The following ZNF699 variants were observed in gnomAD, a reference collection of about 807,000 sequenced individuals.
The protein encoded by ZNF699 is zinc finger protein 699, also known as hangover homolog.
Under a neutral mutation model 22.5 loss-of-function variants are expected in ZNF699, and 18 were observed. The ratio of observed to expected loss-of-function variants is 0.80; its 90% CI spans 0.55 to 1.19. The LOEUF is 1.19. Ranked by LOEUF, ZNF699 falls within the 50% of genes most tolerant of loss-of-function variation. The pLI is 0.00. For missense variants in ZNF699, 670 were observed against 763.4 expected, an observed-to-expected ratio of 0.88 and a Z score of 1.44; for synonymous variants, 241 against 262.3, an observed-to-expected ratio of 0.92 and a Z score of 0.78.
At chr19:9,307,816 C>T (rs1833131999) in intron 1 of ZNF699, among the ~76,000 whole-genome samples, 1 of 151,952 alleles carries the variant, frequency 6.6e-6, no homozygotes, top group Non-Finnish European at 1.5e-5. Flanking sequence ...GGCATGGTGG[C>T]AGGTGCCTGT....
chr19:9,293,149 GAAATC>G lies in ZNF699; in HGVS notation c.*2321_*2325del, dbSNP rs1391826557. On this transcript the variant is annotated 3_prime_UTR_variant, in exon 6 of 6. Transcript: ENST00000591998. ...GTCTCAAAAAAAAAAAAAAAGAAAAGAAATCATAAATGGATGAAATGTTTCAACAG... is the reference window on the plus strand; with the variant it reads ...GTCTCAAAAAAAAAAAAAAAGAAAAGATAAATGGATGAAATGTTTCAACAG... 7.4e-6 allele frequency among the ~76,000 whole-genome samples: 1 copy of G among 134,648 alleles called. No homozygotes were observed. The highest frequency in any genetic ancestry group is 2.8e-5 in the African/African-American group (1 of 36,182). 88.3% of individuals were successfully genotyped at this position (134,648 alleles called of 152,430 possible).
In ZNF699 at chr19:9,297,997, A is replaced by G. The variant is rs913915452; in HGVS notation, c.176-7T>C. On this transcript the variant is annotated splice_polypyrimidine_tract_variant and splice_region_variant and intron_variant, in intron 3 of 5. Transcript: ENST00000591998. This position sits in a 1 kb window ranked among gnomAD's most constrained non-coding sequence, Gnocchi z 4.3. Reference sequence around the variant, plus strand: ...GGTGTGTGTAGCGGATACCCTGCACAAGCAGAAAGGCATATCACGAGGGAA... The same window carrying G: ...GGTGTGTGTAGCGGATACCCTGCACGAGCAGAAAGGCATATCACGAGGGAA... 1 of 1,568,414 alleles carries G rather than the reference A, an allele frequency of 6.4e-7. No individual in the cohort carries two copies. The highest frequency in any genetic ancestry group is 8.8e-7 in the Non-Finnish European group (1 of 1,140,634).
At chr19:9,303,423 T>G (rs1276452362) in intron 2 of ZNF699, among the ~76,000 whole-genome samples, 1 of 152,186 alleles carries the variant, frequency 6.6e-6, no homozygotes, top group Admixed American at 6.5e-5. Flanking sequence ...GGAAACATGT[T>G]TACTGGTTTA....
intron 2 of ZNF699, 115 bp downstream of exon 2, chr19:9,304,957 C>T: frequency 1.4e-6 from 1 of 705,316 alleles, no homozygotes; most frequent in South Asian, 2.0e-5. Context: ...CCTTCAGTGC[C>T]TAAAATACTA....
At chr19:9,304,871 C>T (rs116534951) in intron 2 of ZNF699, among the ~76,000 whole-genome samples, 2,587 of 141,420 alleles carry the variant, frequency 0.018, 68 homozygotes, top group African/African-American at 0.064. Context: ...TACAGTGAGC[C>T]AAGATGGTGC....
chr19:9,305,146 A>G (rs933949410), intron 1 of ZNF699, 22 bp from the exon 2 acceptor site: 19 of 1,609,466 alleles, frequency 1.2e-5, no homozygotes, highest in Non-Finnish European at 1.6e-5. Context: ...AAAGCAGGAT[A>G]TTGAGAAGTT....
At chr19:9,307,209 T>A (rs952590910) in intron 1 of ZNF699, among the ~76,000 whole-genome samples, 1 of 151,926 alleles carries the variant, frequency 6.6e-6, no homozygotes, top group Non-Finnish European at 1.5e-5. Flanking sequence ...TCAAAATAAA[T>A]AAAATAAATA....
rs1482473016 is a variant in ZNF699, at chr19:9,293,803, G to A, written c.*1672C>T. Among the ~76,000 whole-genome samples, 1 of 151,928 alleles carries A rather than the reference G, an allele frequency of 6.6e-6. No homozygotes were observed. The highest frequency in any genetic ancestry group is 6.6e-5 in the Admixed American group (1 of 15,228). On this transcript the variant is annotated 3_prime_UTR_variant, in exon 6 of 6. Transcript: ENST00000591998. ...AATAAAAAGTGATTATGGGGAAATA[G>A]TAGAGTTATACTTTTAAAGAGAAAA...
intron 2 of ZNF699, among the ~76,000 whole-genome samples, chr19:9,303,927 C>T (rs970717233): frequency 6.6e-6 from 1 of 151,992 alleles, no homozygotes. Flanking sequence ...AAGCAATTCC[C>T]CTGCCTCAGC....
At chr19:9,308,890 A>G (rs1250782239) in intron 1 of ZNF699, among the ~76,000 whole-genome samples, 1 of 152,248 alleles carries the variant, frequency 6.6e-6, no homozygotes, top group African/African-American at 2.4e-5. Flanking sequence ...TAACCAATCT[A>G]TAGACAAATG....
intron 3 of ZNF699, among the ~76,000 whole-genome samples, chr19:9,299,120 G>A (rs2066297686): frequency 6.6e-6 from 1 of 152,154 alleles, no homozygotes; most frequent in Non-Finnish European, 1.5e-5. Context: ...CTTCTGTTTG[G>A]CAATGACATT....
At chr19:9,306,310 T>A (rs2066327666) in intron 1 of ZNF699, among the ~76,000 whole-genome samples, 2 of 151,662 alleles carry the variant, frequency 1.3e-5, no homozygotes, top group South Asian at 4.2e-4. Context: ...GAGAATCGCT[T>A]GAACCCGGGA....
intron 3 of ZNF699, among the ~76,000 whole-genome samples, chr19:9,302,008 T>C (rs1472274484): frequency 6.6e-6 from 1 of 151,724 alleles, no homozygotes; most frequent in Non-Finnish European, 1.5e-5. Context: ...GTTCAAGCCA[T>C]TCTCCTGCCT....
In ZNF699 at chr19:9,298,233, G is replaced by T. The variant is rs182605562; in HGVS notation, c.176-243C>A. On this transcript the variant is annotated intron_variant, in intron 3 of 5. Transcript: ENST00000591998. ...GAGACTGAGGCAGGCAGATCACGAG[G>T]TCAGGGGTTCGAGACTAGCCTGGCC... Among the ~76,000 whole-genome samples the T allele has an allele frequency of 1.4e-4, 21 of 151,928 alleles. 1 individual carries two copies. Among genetic ancestry groups the T allele is most frequent in the Admixed American group, 1.4e-3 (21 of 15,262 alleles).
In ZNF699 at chr19:9,295,947, C is replaced by T. The variant is rs1599249891; in HGVS notation, c.1457G>A (p.Arg486His). 5.6e-6 allele frequency: 9 copies of T among 1,613,858 alleles called. No individual in the cohort carries two copies. Among genetic ancestry groups the T allele is most frequent in the East Asian group, 2.2e-5 (1 of 44,826 alleles). The change falls in exon 6 of 6, where the codon CGT (arginine) becomes CAT (histidine). Residue 486 changes from arginine (R) to histidine (H), a missense_variant. Coordinates refer to ENST00000591998, the MANE Select transcript of ZNF699 (RefSeq NM_198535.3). Reference protein sequence around the residue: ...ECKECGKTFSRSSSLTEHLRT... With the variant: ...ECKECGKTFSHSSSLTEHLRT... The stretch of plus-strand genomic sequence containing the variant: ...TAGGTGTTCGGTGAGGGATGAGGAA[C>T]GACTAAAGGTCTTCCCACACTCCTT...
chr19:9,302,593 G>T, intron 2 of ZNF699, 89 bp from the exon 3 acceptor site: 2 of 1,399,524 alleles, frequency 1.4e-6, no homozygotes, highest in Non-Finnish European at 1.9e-6. Flanking sequence ...TCGAGGAAAT[G>T]AGAGTCAATT....
At chr19:9,304,111 G>A (rs1053114332) in intron 2 of ZNF699, among the ~76,000 whole-genome samples, 19 of 152,044 alleles carry the variant, frequency 1.2e-4, no homozygotes, top group Admixed American at 1.0e-3. Context: ...GTGAGCCACC[G>A]TGCCCAGCCC....
Position 9,294,574 on chromosome 19 carries a change from T to C in ZNF699, c.*901A>G, listed in dbSNP as rs1056502795. 4 of 152,228 alleles carry C rather than the reference T, an allele frequency of 2.6e-5. No homozygotes were observed. The highest frequency in any genetic ancestry group is 5.9e-5 in the Non-Finnish European group (4 of 68,034). 9.4% of individuals were successfully genotyped at this position (152,228 alleles called of 1,614,324 possible). On this transcript the variant is annotated 3_prime_UTR_variant, in exon 6 of 6. Coordinates refer to ENST00000591998, the MANE Select transcript of ZNF699 (RefSeq NM_198535.3). ...CACTAAACATAGCATAACAGCTTTT[T>C]CTTCCCTTATGCCTTCCAAATCTCG...
intron 3 of ZNF699, among the ~76,000 whole-genome samples, chr19:9,299,949 T>C (rs1599252110): frequency 6.7e-6 from 1 of 150,282 alleles, no homozygotes; most frequent in African/African-American, 2.4e-5. Flanking sequence ...AATAAGCATA[T>C]GAAAAGATGC....
Sources: allele counts gnomAD v4.1 joint callset (sites outside exome capture counted in the v4.1 genomes callset), GRCh38; gene constraint gnomAD v4.1.1; non-coding constraint Gnocchi (gnomAD v3.1); transcripts MANE v1.5; gene names NCBI Gene and HGNC (gene_info 2026-07-23, HGNC 2026-07-21).